The following CCAR1 variants were observed in gnomAD, a reference collection of about 807,000 sequenced individuals.
CCAR1 encodes the protein cell division cycle and apoptosis regulator 1, also known as cell division cycle and apoptosis regulator protein 1.
A neutral mutation model predicts 163.8 loss-of-function variants in CCAR1; 78 were observed. The observed-to-expected ratio is 0.48, with a 90% CI of 0.40 to 0.57. The LOEUF (loss-of-function observed/expected upper bound fraction) is 0.57, where lower values mean the gene tolerates loss of function less well. CCAR1 is among the 20% of genes least tolerant of loss of function. CCAR1 has a pLI of 0.00. For missense variants in CCAR1, 1,019 were observed against 1,365.2 expected, an observed-to-expected ratio of 0.75 and a Z score of 4.00; for synonymous variants, 443 against 460.7, an observed-to-expected ratio of 0.96 and a Z score of 0.49.
At chr10:68,761,861 C>CA (rs1004220629) in intron 16 of CCAR1, among the ~76,000 whole-genome samples, 11 of 152,082 alleles carry the variant, frequency 7.2e-5, no homozygotes, top group African/African-American at 2.4e-4. Context: ...CTCAGCCTCT[C>CA]AAAGTGCTGA....
intron 23 of CCAR1, among the ~76,000 whole-genome samples, chr10:68,789,394 C>G (rs2056829496): frequency 6.6e-6 from 1 of 151,796 alleles, no homozygotes; most frequent in Non-Finnish European, 1.5e-5. Context: ...GAGTTCGAGA[C>G]CAGCCTGACC....
intron 19 of CCAR1, among the ~76,000 whole-genome samples, chr10:68,784,792 G>A (rs142908625): frequency 1.3e-5 from 2 of 152,068 alleles, no homozygotes; most frequent in Non-Finnish European, 2.9e-5. Flanking sequence ...CCAGCAAAAG[G>A]ATTACTGCTT....
At chr10:68,789,188 C>A (rs2056827198) in intron 23 of CCAR1, among the ~76,000 whole-genome samples, 1 of 151,936 alleles carries the variant, frequency 6.6e-6, no homozygotes, top group South Asian at 2.1e-4. Flanking sequence ...GGTTTACAGG[C>A]ATGAGCCACT....
intron 2 of CCAR1, among the ~76,000 whole-genome samples, chr10:68,726,522 T>A (rs1015513803): frequency 6.6e-6 from 1 of 152,174 alleles, no homozygotes; most frequent in East Asian, 1.9e-4. Context: ...TAAGGAAGCT[T>A]TTCTCCTCCC....
At chr10:68,740,883 T>TTTA (rs2056174037) in intron 5 of CCAR1, among the ~76,000 whole-genome samples, 4 of 144,820 alleles carry the variant, frequency 2.8e-5, no homozygotes, top group African/African-American at 7.7e-5. Context: ...TGAGGTTTTA[T>TTTA]TTTATTTATT....
At chr10:68,729,138 C>CACAT (rs2055993984) in intron 2 of CCAR1, among the ~76,000 whole-genome samples, 1 of 151,984 alleles carries the variant, frequency 6.6e-6, no homozygotes. Context: ...ATGAAATAAC[C>CACAT]ACATGTATTT....
chr10:68,777,277 A>G (rs2056678145), intron 19 of CCAR1, among the ~76,000 whole-genome samples: 1 of 152,186 alleles, frequency 6.6e-6, no homozygotes, highest in Non-Finnish European at 1.5e-5. Flanking sequence ...CCTCTACAAT[A>G]AAGTTTCTCA....
chr10:68,722,101 A>T (rs1274080564), intron 1 of CCAR1, among the ~76,000 whole-genome samples: 2 of 152,168 alleles, frequency 1.3e-5, no homozygotes, highest in African/African-American at 4.8e-5. Flanking sequence ...AGAAACACGC[A>T]GGCTGTATTT....
At chr10:68,755,106 G>T in intron 12 of CCAR1, 1 of 682,016 alleles carries the variant, frequency 1.5e-6, no homozygotes, top group Admixed American at 2.0e-5. Context: ...TTTGGATGTT[G>T]TTGAAGTTTG....
At chr10:68,744,833 C>CTT (rs953410346) in intron 6 of CCAR1, among the ~76,000 whole-genome samples, 1 of 141,314 alleles carries the variant, frequency 7.1e-6, no homozygotes, top group Non-Finnish European at 1.5e-5. Flanking sequence ...CTACTTAACT[C>CTT]TTTTTTTTTT....
At chr10:68,790,342 T>C (rs1589197754) in intron 24 of CCAR1, among the ~76,000 whole-genome samples, 1 of 148,030 alleles carries the variant, frequency 6.8e-6, no homozygotes, top group East Asian at 2.0e-4. Flanking sequence ...GCAACAGAAC[T>C]AGACCCCATC....
chr10:68,753,572 TC>T (rs1373866515), intron 10 of CCAR1, among the ~76,000 whole-genome samples: 1 of 152,212 alleles, frequency 6.6e-6, no homozygotes, highest in Non-Finnish European at 1.5e-5. Flanking sequence ...ACAGATCTTT[TC>T]TGGAGCTGAG....
chr10:68,768,012 T>C (rs2056556540), intron 17 of CCAR1, among the ~76,000 whole-genome samples: 1 of 152,236 alleles, frequency 6.6e-6, no homozygotes, highest in East Asian at 1.9e-4. Flanking sequence ...TTAATTATTG[T>C]ATCTTATCAA....
Position 68,773,004 on chromosome 10 carries a change from A to G in CCAR1, c.2555A>G (p.Lys852Arg). 1 of 1,438,764 alleles carries G rather than the reference A, an allele frequency of 7.0e-7. No homozygotes were observed. Among genetic ancestry groups the G allele is most frequent in the Non-Finnish European group, 9.6e-7 (1 of 1,045,496 alleles). 89.1% of individuals were successfully genotyped at this position (1,438,764 alleles called of 1,614,324 possible). ...AAATTATAGAAAGAAGATAAAAGAA[A>G]AGATGATTCTAAAGATGATGATGAA... is the stretch of plus-strand genomic sequence containing the variant. ...RDERKKEDKR[K>R]DDSKDDDETE... The change falls in exon 19 of 25, where the codon AAA becomes AGA. Residue 852 changes from lysine to arginine, a missense_variant. Transcript: ENST00000265872.
At chr10:68,722,599 A>G in intron 2 of CCAR1, 22 bp downstream of exon 2, 1 of 1,562,974 alleles carries the variant, frequency 6.4e-7, no homozygotes, top group Non-Finnish European at 8.8e-7. Context: ...AAATACATGT[A>G]CTGTAATTGT....
intron 16 of CCAR1, among the ~76,000 whole-genome samples, chr10:68,761,506 C>T (rs1190544541): frequency 2.6e-5 from 4 of 151,782 alleles, no homozygotes; most frequent in African/African-American, 7.3e-5. Flanking sequence ...CGGGGTTTCA[C>T]CATGTTGGCA....
At chr10:68,746,529 T>A (rs2056258383) in intron 6 of CCAR1, among the ~76,000 whole-genome samples, 2 of 152,280 alleles carry the variant, frequency 1.3e-5, no homozygotes, top group South Asian at 4.1e-4. Context: ...AGTGCTGAGA[T>A]TACAGGCGTG....
At chr10:68,760,467 T>A (rs188489699) in intron 15 of CCAR1, among the ~76,000 whole-genome samples, 46 of 152,326 alleles carry the variant, frequency 3.0e-4, no homozygotes, top group Middle Eastern at 3.4e-3. Context: ...TTTAAAAAAA[T>A]TTTTATGCAT....
intron 11 of CCAR1, among the ~76,000 whole-genome samples, 190 bp from the exon 12 acceptor site, chr10:68,754,524 C>T (rs1358722937): frequency 6.6e-6 from 1 of 152,152 alleles, no homozygotes; most frequent in East Asian, 1.9e-4. Context: ...CTAGGCCTGG[C>T]GTGGTGGCTC....
Sources: gnomAD v4.1 joint callset for allele counts (sites outside exome capture counted in the v4.1 genomes callset) on GRCh38, gnomAD v4.1.1 for gene constraint, MANE v1.5 for transcripts, NCBI Gene and HGNC (gene_info 2026-07-23, HGNC 2026-07-21) for gene names.